The following DLGAP1 variants were observed in gnomAD, a reference collection of about 807,000 sequenced individuals.
DLGAP1 encodes the protein disks large-associated protein 1.
Under a neutral mutation model 90.8 loss-of-function variants are expected in DLGAP1, and 11 were observed. That is an observed-to-expected ratio of 0.12 (90% CI 0.08 to 0.20). DLGAP1 has a LOEUF of 0.20. Ranked by LOEUF, DLGAP1 falls within the 10% of genes least tolerant of loss-of-function variation. The pLI is 1.00. For synonymous variants in DLGAP1, 558 were observed against 540.7 expected (o/e 1.03, Z -0.44); for missense variants, 1,050 against 1,333.8 (o/e 0.79, Z 3.31).
chr18:4,225,787 C>T (rs1014506909), intron 1 of DLGAP1, among the ~76,000 whole-genome samples: 1 of 151,844 alleles, frequency 6.6e-6, no homozygotes, highest in African/African-American at 2.4e-5. Flanking sequence ...AAGAATGAAG[C>T]ATACCTACAA....
intron 3 of DLGAP1, among the ~76,000 whole-genome samples, chr18:3,883,163 G>C (rs929648775): frequency 3.3e-5 from 5 of 152,216 alleles, no homozygotes; most frequent in African/African-American, 1.2e-4. Context: ...AGAATTGCTT[G>C]AATCCAGGAG....
intron 4 of DLGAP1, among the ~76,000 whole-genome samples, chr18:3,840,075 T>C (rs575439562): frequency 6.6e-6 from 1 of 152,358 alleles, no homozygotes; most frequent in Middle Eastern, 3.4e-3. Flanking sequence ...TGACCACGTA[T>C]TTAGGCACAC....
At chr18:3,905,058 A>G (rs1401267629) in intron 3 of DLGAP1, among the ~76,000 whole-genome samples, 1 of 151,732 alleles carries the variant, frequency 6.6e-6, no homozygotes, top group African/African-American at 2.4e-5. Flanking sequence ...AGAAAAATAA[A>G]CCAGGATAGT....
At chr18:3,702,139 C>T (rs535022538) in intron 7 of DLGAP1, among the ~76,000 whole-genome samples, 39 of 152,262 alleles carry the variant, frequency 2.6e-4, no homozygotes, top group African/African-American at 8.7e-4. Context: ...GCAACCTTTG[C>T]CTCCCGGGTT....
chr18:4,152,378 G>A (rs2076689343), intron 1 of DLGAP1, among the ~76,000 whole-genome samples: 1 of 152,126 alleles, frequency 6.6e-6, no homozygotes, highest in Non-Finnish European at 1.5e-5. Context: ...AAATGAGTGT[G>A]GAATTCATTT....
At chr18:3,678,927 A>G (rs552626819) in intron 7 of DLGAP1, among the ~76,000 whole-genome samples, 2 of 152,328 alleles carry the variant, frequency 1.3e-5, no homozygotes, top group Admixed American at 1.3e-4. Flanking sequence ...CTTAGCTCAC[A>G]GAGGATAGTG....
intron 1 of DLGAP1, among the ~76,000 whole-genome samples, chr18:4,250,071 C>T (rs2078749029): frequency 3.9e-5 from 6 of 152,134 alleles, no homozygotes; most frequent in Non-Finnish European, 8.8e-5. Context: ...CTAAGCAAAT[C>T]GCACTTCGGA....
At chr18:3,768,559 C>A (rs1036144249) in intron 5 of DLGAP1, among the ~76,000 whole-genome samples, 20 of 152,112 alleles carry the variant, frequency 1.3e-4, no homozygotes, top group African/African-American at 4.8e-4. Context: ...TCTATGGCTA[C>A]AGTAATCTAG....
chr18:4,447,166 C>T (rs1181254875), intron 1 of DLGAP1, among the ~76,000 whole-genome samples: 1 of 152,218 alleles, frequency 6.6e-6, no homozygotes, highest in African/African-American at 2.4e-5. Flanking sequence ...TCCCCCTCCA[C>T]CCTAATCAGA....
At chr18:4,000,059 C>T (rs2074150587) in intron 3 of DLGAP1, among the ~76,000 whole-genome samples, 1 of 152,190 alleles carries the variant, frequency 6.6e-6, no homozygotes, top group Admixed American at 6.5e-5. Context: ...AAGCAGTCCT[C>T]CCACCTCGGC....
chr18:3,857,887 A>G (rs2082253645), intron 4 of DLGAP1, among the ~76,000 whole-genome samples: 1 of 152,074 alleles, frequency 6.6e-6, no homozygotes, highest in African/African-American at 2.4e-5. Flanking sequence ...TTCCTCATCC[A>G]CCCCACTCAA....
At position 3,792,648 on chromosome 18, in the gene DLGAP1, G is replaced by T. The variant is rs138368144; in HGVS notation, c.1172+21411C>A. On this transcript the variant is annotated intron_variant, in intron 5 of 12. Transcript: ENST00000315677. ...ACTGCAGACCAGAAGGAATGGGATGGTCCCACTAACCTGACAATGTGTGGC... is the reference window on the plus strand; with the variant it reads ...ACTGCAGACCAGAAGGAATGGGATGTTCCCACTAACCTGACAATGTGTGGC... Among the ~76,000 whole-genome samples, 110 of 152,204 alleles carry T rather than the reference G, an allele frequency of 7.2e-4. 1 individual carries two copies. The highest frequency in any genetic ancestry group is 2.6e-3 in the African/African-American group (109 of 41,536).
chr18:3,904,508 G>A (rs958461142), intron 3 of DLGAP1, among the ~76,000 whole-genome samples: 1 of 152,176 alleles, frequency 6.6e-6, no homozygotes, highest in Non-Finnish European at 1.5e-5. Flanking sequence ...ACCTAGTCCC[G>A]TCCCAGAGCC....
At chr18:3,995,101 T>C (rs904848746) in intron 3 of DLGAP1, 3 of 149,422 alleles carry the variant, frequency 2.0e-5, no homozygotes, top group Non-Finnish European at 4.4e-5. Flanking sequence ...TTTTAGAAAA[T>C]GTTAATAAGT....
chr18:4,308,827 A>C (rs2080328482), intron 1 of DLGAP1, among the ~76,000 whole-genome samples: 1 of 152,214 alleles, frequency 6.6e-6, no homozygotes, highest in South Asian at 2.1e-4. Flanking sequence ...TTGCCAAATA[A>C]AATGAACTTC....
In DLGAP1 at chr18:3,680,526, G is replaced by T. The variant is rs1055486129; in HGVS notation, c.1591+48609C>A. Reference sequence around the variant, plus strand: ...TTGGAGGCCGGGCGTGCTGGCTCACGCCTGTAATCCCAGCACTTTGGGAGG... The same window carrying T: ...TTGGAGGCCGGGCGTGCTGGCTCACTCCTGTAATCCCAGCACTTTGGGAGG... On this transcript the variant is annotated intron_variant, in intron 7 of 12. Transcript: ENST00000315677. Among the ~76,000 whole-genome samples, 7 of 152,154 alleles carry T rather than the reference G, an allele frequency of 4.6e-5. No individual in the cohort carries two copies. The South Asian group carries it at 1.2e-3, about 27-fold the overall frequency.
rs188955589 is a variant in DLGAP1, at chr18:4,269,576, G to T, written c.-266-118289C>A. Among the ~76,000 whole-genome samples, 269 of 151,646 alleles carry T rather than the reference G, an allele frequency of 1.8e-3. 2 individuals are homozygous for T. In the East Asian group the frequency reaches 0.023, roughly 13 times the overall value. On this transcript the variant is annotated intron_variant, in intron 1 of 12. Coordinates refer to ENST00000315677, the MANE Select transcript of DLGAP1 (RefSeq NM_004746.4). Reference sequence around the variant, plus strand: ...TCACCGTGTTAGCCAGGATGGTCTCGATCTCCTGACCTTGTGATCCACCCG... The same window carrying T: ...TCACCGTGTTAGCCAGGATGGTCTCTATCTCCTGACCTTGTGATCCACCCG...
At chr18:3,750,394 T>C (rs1568067594) in intron 5 of DLGAP1, among the ~76,000 whole-genome samples, 1 of 152,242 alleles carries the variant, frequency 6.6e-6, no homozygotes, top group Admixed American at 6.5e-5. Flanking sequence ...ATTGATTCCA[T>C]GTCTTTGCTA....
At chr18:4,377,189 T>C (rs2082031355) in intron 1 of DLGAP1, among the ~76,000 whole-genome samples, 1 of 152,070 alleles carries the variant, frequency 6.6e-6, no homozygotes, top group African/African-American at 2.4e-5. Flanking sequence ...GCTACATTTG[T>C]GGATGATGCT....
Sources: gnomAD v4.1 joint callset for allele counts (sites outside exome capture counted in the v4.1 genomes callset) on GRCh38, gnomAD v4.1.1 for gene constraint, MANE v1.5 for transcripts, NCBI Gene and HGNC (gene_info 2026-07-23, HGNC 2026-07-21) for gene names.